The following GART variants were observed in gnomAD, a reference collection of about 807,000 sequenced individuals.
GART encodes phosphoribosylglycinamide formyltransferase, phosphoribosylglycinamide synthetase, phosphoribosylaminoimidazole synthetase.
In GART, 43 loss-of-function variants were observed where a neutral mutation model predicts 107.2. That is an observed-to-expected ratio of 0.40 (90% CI 0.31 to 0.52). The LOEUF is 0.52. Ranked by LOEUF, GART falls within the 20% of genes least tolerant of loss-of-function variation. The probability of loss-of-function intolerance (pLI) is 0.52; values close to 1 mark genes in which losing one functional copy is unlikely to be tolerated. For synonymous variants in GART, 434 were observed against 427.0 expected, an observed-to-expected ratio of 1.02 and a Z score of -0.20; for missense variants, 1,107 against 1,206.5, an observed-to-expected ratio of 0.92 and a Z score of 1.22.
chr21:33,516,905 A>T (rs2084889339), intron 16 of GART, 84 bp downstream of exon 16: 1 of 1,197,666 alleles, frequency 8.3e-7, no homozygotes, highest in Non-Finnish European at 1.2e-6. Context: ...AATCATGTGT[A>T]CATTAACTAC....
intron 17 of GART, among the ~76,000 whole-genome samples, chr21:33,510,806 G>C (rs956943330): frequency 6.6e-6 from 1 of 151,488 alleles, no homozygotes; most frequent in African/African-American, 2.4e-5. Flanking sequence ...TCTCTGTATC[G>C]TTCCAATTTT....
At chr21:33,516,867 C>T in intron 16 of GART, 122 bp downstream of exon 16, 1 of 817,956 alleles carries the variant, frequency 1.2e-6, no homozygotes. Flanking sequence ...CTCCCAAAAC[C>T]CCCAATGATT....
At chr21:33,531,812 G>T in intron 5 of GART, 1 of 416,436 alleles carries the variant, frequency 2.4e-6, no homozygotes, top group East Asian at 3.8e-5. Context: ...TGGTGATCCA[G>T]TTTCAAATAA....
intron 2 of GART, among the ~76,000 whole-genome samples, chr21:33,536,438 TAC>T: frequency 6.6e-6 from 1 of 152,218 alleles, no homozygotes; most frequent in South Asian, 2.1e-4. Flanking sequence ...CTGCCATTGG[TAC>T]AGAGTACAAG....
intron 3 of GART, among the ~76,000 whole-genome samples, 185 bp from the exon 4 acceptor site, chr21:33,534,938 T>G (rs1294986404): frequency 6.6e-6 from 1 of 152,206 alleles, no homozygotes; most frequent in African/African-American, 2.4e-5. Flanking sequence ...GTTATTCAAA[T>G]CTATCAAAAG....
upstream of GART, chr21:33,542,862 A>C (rs2085480642): frequency 5.1e-6 from 3 of 584,406 alleles, no homozygotes; most frequent in African/African-American, 1.9e-5. Flanking sequence ...TGGCGGACAT[A>C]GTCGTGCGCG....
At chr21:33,533,388 G>A (rs1448634626) in intron 4 of GART, among the ~76,000 whole-genome samples, 7 of 149,804 alleles carry the variant, frequency 4.7e-5, no homozygotes, top group East Asian at 3.9e-4. Flanking sequence ...GCAGTGAGCC[G>A]AGATAGAGAT....
chr21:33,517,326 A>C (rs774913516), intron 15 of GART, 31 bp downstream of exon 15: 1 of 1,612,676 alleles, frequency 6.2e-7, no homozygotes, highest in Non-Finnish European at 8.5e-7. Flanking sequence ...GGCATTTCCA[A>C]GCAGGACAGT....
At chr21:33,515,649 A>G in intron 16 of GART, among the ~76,000 whole-genome samples, 1 of 116,398 alleles carries the variant, frequency 8.6e-6, no homozygotes, top group East Asian at 2.4e-4. Context: ...CAAGACTCCA[A>G]CTCAAAAAAA....
Position 33,539,329 on chromosome 21 carries a change from A to C in GART, c.-14T>G, listed in dbSNP as rs771322135. On this transcript the variant is annotated 5_prime_UTR_variant, in exon 2 of 22. Transcript: ENST00000381815. ...TCGGGCTGCCATTGTTCTGTCTGTA[A>C]AGCAGAAATTCCAAAGGAAAATGAA... The C allele has an allele frequency of 1.0e-5, 16 of 1,596,316 alleles. No individual in the cohort carries two copies. Among genetic ancestry groups the C allele is most frequent in the Non-Finnish European group, 1.4e-5 (16 of 1,175,290 alleles).
At chr21:33,516,376 G>A (rs570851768) in intron 16 of GART, among the ~76,000 whole-genome samples, 2 of 151,914 alleles carry the variant, frequency 1.3e-5, no homozygotes, top group South Asian at 4.2e-4. Context: ...CAACCTTTTG[G>A]TCTCCCTCAT....
intron 10 of GART, among the ~76,000 whole-genome samples, chr21:33,526,296 G>A (rs1218203958): frequency 1.3e-5 from 2 of 152,050 alleles, no homozygotes; most frequent in East Asian, 3.9e-4. Context: ...TCAGCCTCCT[G>A]AGTAGCTAGG....
intron 11 of GART, among the ~76,000 whole-genome samples, chr21:33,523,691 G>A (rs983715251): frequency 1.3e-5 from 2 of 152,120 alleles, no homozygotes; most frequent in Non-Finnish European, 2.9e-5. Context: ...ATCAGGCCGG[G>A]CACGGTGGCT....
chr21:33,512,289 G>GAAAAAAAAAA (rs563178142), intron 16 of GART, among the ~76,000 whole-genome samples: 2 of 65,446 alleles, frequency 3.1e-5, no homozygotes, highest in Admixed American at 2.2e-4. Context: ...GACTCAAATT[G>GAAAAAAAAAA]AAAAAAAAAA....
At chr21:33,525,445 T>C (rs2085055234) in intron 10 of GART, among the ~76,000 whole-genome samples, 1 of 152,180 alleles carries the variant, frequency 6.6e-6, no homozygotes. Flanking sequence ...AGGTCTTCTT[T>C]TATTTTTTGA....
At chr21:33,540,538 A>G (rs1227855764) in intron 1 of GART, among the ~76,000 whole-genome samples, 1 of 152,218 alleles carries the variant, frequency 6.6e-6, no homozygotes, top group East Asian at 1.9e-4. Flanking sequence ...GCAAAAATCA[A>G]ATTCCAACTC....
intron 16 of GART, among the ~76,000 whole-genome samples, chr21:33,514,956 C>G (rs2084849483): frequency 6.6e-6 from 1 of 152,206 alleles, no homozygotes; most frequent in African/African-American, 2.4e-5. Context: ...CTTGGGTTAG[C>G]TCACCATATC....
intron 14 of GART, 61 bp from the exon 15 acceptor site, chr21:33,517,669 T>G: frequency 6.5e-7 from 1 of 1,549,194 alleles, no homozygotes; most frequent in Non-Finnish European, 8.9e-7. Flanking sequence ...TAGGAAACAG[T>G]GGCACAGGCT....
rs1221831807 is a variant in GART at position 33,539,279 on chromosome 21, T to G, written c.37A>C (p.Arg13=). ...AGTTTCCAGGCCAGCGTATGTTCCC[T>G]TCCTCCACTGCCAATTATAAGTACT... ...ARVLIIGSGG[R]EHTLAWKLAQ... The change falls in exon 2 of 22, where the codon AGG becomes CGG. Residue 13 remains arginine (R), a synonymous_variant. Coordinates refer to ENST00000381815, the MANE Select transcript of GART (RefSeq NM_000819.5). 1 of 1,614,080 alleles carries G rather than the reference T, an allele frequency of 6.2e-7. No homozygotes were observed. Among genetic ancestry groups the G allele is most frequent in the South Asian group, 1.1e-5 (1 of 91,072 alleles).
Sources: gnomAD v4.1 joint callset for allele counts (sites outside exome capture counted in the v4.1 genomes callset) on GRCh38, gnomAD v4.1.1 for gene constraint, MANE v1.5 for transcripts, NCBI Gene and HGNC (gene_info 2026-07-23, HGNC 2026-07-21) for gene names.